The following GOLGA4 variants were observed in gnomAD, a reference collection of about 807,000 sequenced individuals.
GOLGA4 encodes golgin subfamily A member 4.
GOLGA4 carries 169 observed loss-of-function variants against 265.9 expected under a neutral mutation model. The ratio of observed to expected loss-of-function variants is 0.64; its 90% CI spans 0.56 to 0.72. The LOEUF (loss-of-function observed/expected upper bound fraction) is 0.72, where lower values mean the gene tolerates loss of function less well. Among genes scored for constraint, GOLGA4 ranks in the 30% least tolerant of loss-of-function variants. The pLI is 0.00. For synonymous variants in GOLGA4, 923 were observed against 855.8 expected (o/e 1.08, Z -1.37); for missense variants, 2,482 against 2,483.4 (o/e 1.00, Z 0.01).
At chr3:37,316,948 G>A (rs1423789538) in intron 11 of GOLGA4, among the ~76,000 whole-genome samples, 2 of 151,736 alleles carry the variant, frequency 1.3e-5, no homozygotes, top group South Asian at 2.1e-4. Flanking sequence ...ACAAAAGACA[G>A]CATGTTATAT....
In GOLGA4 at chr3:37,327,593, AAC is replaced by A; in HGVS notation, c.5710_5711del (p.Thr1904Ter). The stretch of plus-strand genomic sequence containing the variant: ...TAAACCCACAGAACTTTTGGAAGAA[AAC>A]ACTGAAGAAAAGTCCAAATCACATT... The part of the protein sequence containing the change: ...RNKPTELLEE[N>X]TEEKSKSHLV... On this transcript the variant is annotated frameshift_variant, in exon 14 of 24. Coordinates refer to ENST00000361924, the MANE Select transcript of GOLGA4 (RefSeq NM_002078.5). LOFTEE classifies it high-confidence loss of function. The A allele has an allele frequency of 1.2e-6, 2 of 1,613,780 alleles. No individual in the cohort carries two copies. The highest frequency in any genetic ancestry group is 1.7e-6 in the Non-Finnish European group (2 of 1,179,818).
chr3:37,279,513 A>G (rs933302735), intron 2 of GOLGA4, among the ~76,000 whole-genome samples: 7 of 152,208 alleles, frequency 4.6e-5, no homozygotes, highest in Non-Finnish European at 8.8e-5. Context: ...CAGGTTCCCC[A>G]TGATGCTCCA....
chr3:37,302,684 A>G (rs1327241637), intron 10 of GOLGA4: 1 of 199,574 alleles, frequency 5.0e-6, no homozygotes. Flanking sequence ...GAGTATCAAA[A>G]TTCAGATTTA....
intron 1 of GOLGA4, chr3:37,244,102 C>G (rs2096711548): frequency 6.5e-6 from 1 of 154,308 alleles, no homozygotes; most frequent in African/African-American, 2.4e-5. Flanking sequence ...TGACCCTCGA[C>G]GGAAGTCTCC....
chr3:37,258,686 T>C (rs1367501724), intron 2 of GOLGA4, among the ~76,000 whole-genome samples: 2 of 152,198 alleles, frequency 1.3e-5, no homozygotes, highest in African/African-American at 2.4e-5. Context: ...TCAAGGCTTA[T>C]ATGGCTTAAA....
At position 37,315,554 on chromosome 3, in the gene GOLGA4, C is replaced by T. The variant is rs2096935359; in HGVS notation, c.1369C>T (p.Gln457Ter). The part of the protein sequence containing the change: ...TSEEERISLQ[Q>*]ELSRVKQEVV... ...TGAGGAGGAACGCATCAGTCTTCAA[C>T]AGGAATTAAGTCGGGTGAAACAGGA... is the stretch of plus-strand genomic sequence containing the variant. Residue 457 changes from glutamine to a stop codon, truncating the protein, a stop_gained, in exon 11 of 24, where the codon CAG becomes TAG. Transcript: ENST00000361924. LOFTEE classifies it high-confidence loss of function. The T allele has an allele frequency of 6.2e-7, 1 of 1,613,844 alleles. No homozygotes were observed. Among genetic ancestry groups the T allele is most frequent in the Non-Finnish European group, 8.5e-7 (1 of 1,179,832 alleles).
intron 19 of GOLGA4, 103 bp from the exon 20 acceptor site, chr3:37,340,021 C>A: frequency 1.9e-6 from 1 of 530,722 alleles, no homozygotes; most frequent in Non-Finnish European, 3.4e-6. Context: ...TGCCTATATT[C>A]TGTCTTCAGC....
chr3:37,317,972 A>AT (rs537527745), intron 11 of GOLGA4, among the ~76,000 whole-genome samples: 96 of 140,924 alleles, frequency 6.8e-4, no homozygotes, highest in African/African-American at 1.6e-3. Context: ...TGCTATGTGG[A>AT]TTTTTTTTTT....
chr3:37,318,219 C>CT (rs763053779), intron 11 of GOLGA4, among the ~76,000 whole-genome samples: 35 of 151,820 alleles, frequency 2.3e-4, no homozygotes, highest in African/African-American at 6.8e-4. Flanking sequence ...GCCATATTAT[C>CT]TTTTTTTTGT....
chr3:37,333,620 A>G (rs80063390), intron 16 of GOLGA4, among the ~76,000 whole-genome samples: 1,945 of 152,314 alleles, frequency 0.013, 23 homozygotes, highest in African/African-American at 0.036. Context: ...GCTAAACCAC[A>G]TTGACACAGC....
intron 12 of GOLGA4, among the ~76,000 whole-genome samples, chr3:37,320,621 C>T (rs1018390174): frequency 6.6e-6 from 1 of 152,126 alleles, no homozygotes; most frequent in Non-Finnish European, 1.5e-5. Context: ...AATTCTTAAA[C>T]TGTAACAGTA....
At position 37,323,881 on chromosome 3, in the gene GOLGA4, G is replaced by T. The variant is rs777494129; in HGVS notation, c.1995G>T (p.Gln665His). ...TGAAAGACAAAGAGATTATCTTCCA[G>T]GCCCACATAGAAGAAATGAATGAAA... ...TLLKDKEIIF[Q>H]AHIEEMNEKT... Residue 665 changes from glutamine (Q) to histidine (H), a missense_variant, in exon 14 of 24, where the codon CAG becomes CAT. Gln to His is a conservative substitution (Grantham distance 24). This residue lies in a region of GOLGA4 where 1,536 missense variants were observed against 1,483.7 expected (regional missense o/e 1.04). Coordinates refer to ENST00000361924, the MANE Select transcript of GOLGA4 (RefSeq NM_002078.5). 7 of 1,613,258 alleles carry T rather than the reference G, an allele frequency of 4.3e-6. No individual in the cohort carries two copies. In the South Asian group the frequency reaches 7.7e-5, roughly 18 times the overall value.
chr3:37,243,382 C>A lies in GOLGA4; in HGVS notation c.-169C>A. On this transcript the variant is annotated 5_prime_UTR_variant, in exon 1 of 24. Coordinates refer to ENST00000361924, the MANE Select transcript of GOLGA4 (RefSeq NM_002078.5). ...AGACGCGGCGGCGGCGACGCCGACA[C>A]CCTCAGGACGAGTGTCCGGACTTGC... 1 of 626,452 alleles carries A rather than the reference C, an allele frequency of 1.6e-6. No homozygotes were observed. The highest frequency in any genetic ancestry group is 2.9e-6 in the Non-Finnish European group (1 of 347,050). 38.8% of individuals were successfully genotyped at this position (626,452 alleles called of 1,614,324 possible). A position where few individuals can be genotyped will look rare whatever the true frequency, so the allele number is the denominator to read the frequency against.
intron 2 of GOLGA4, among the ~76,000 whole-genome samples, chr3:37,271,667 C>G (rs1448829696): frequency 6.8e-6 from 1 of 147,638 alleles, no homozygotes; most frequent in Non-Finnish European, 1.5e-5. Context: ...CCACTCCCAC[C>G]CCATTGGATA....
At chr3:37,360,843 G>A (rs181949093) in intron 22 of GOLGA4, among the ~76,000 whole-genome samples, 14 of 152,160 alleles carry the variant, frequency 9.2e-5, no homozygotes, top group South Asian at 2.1e-4. Context: ...TCATTTTCCC[G>A]AAAACTTTTT....
chr3:37,255,360 A>G (rs1191344013), intron 2 of GOLGA4, among the ~76,000 whole-genome samples: 1 of 151,906 alleles, frequency 6.6e-6, no homozygotes, highest in Admixed American at 6.6e-5. Flanking sequence ...ACAGAGTTTC[A>G]CCATGTTGGC....
chr3:37,365,616 C>T (rs923943715), intron 23 of GOLGA4, among the ~76,000 whole-genome samples: 2 of 152,092 alleles, frequency 1.3e-5, no homozygotes, highest in African/African-American at 2.4e-5. Flanking sequence ...GCCAAGTCAG[C>T]GTGTTTACTC....
At chr3:37,359,211 G>A (rs1355273947) in intron 22 of GOLGA4, among the ~76,000 whole-genome samples, 1 of 152,144 alleles carries the variant, frequency 6.6e-6, no homozygotes, top group Non-Finnish European at 1.5e-5. Flanking sequence ...GGATATTCGA[G>A]TAGCACAATA....
rs372286867 is a variant in GOLGA4 at position 37,325,280 on chromosome 3, C to G, written c.3394C>G (p.Leu1132Val). 4.6e-5 allele frequency: 74 copies of G among 1,613,262 alleles called. No homozygotes were observed. The highest frequency in any genetic ancestry group is 5.6e-5 in the Non-Finnish European group (66 of 1,179,626). ...VNSLAQDETK[L>V]KAHLEKLEVD... Reference sequence around the variant, plus strand: ...TTCTCTTGCACAAGATGAAACTAAACTGAAAGCTCATCTTGAAAAGCTAGA... The same window carrying G: ...TTCTCTTGCACAAGATGAAACTAAAGTGAAAGCTCATCTTGAAAAGCTAGA... The change falls in exon 14 of 24, where the codon CTG becomes GTG. Residue 1132 changes from leucine (L) to valine (V), a missense_variant. By Grantham distance (32) the Leu-to-Val change is conservative. This residue lies in a region of GOLGA4 where 1,536 missense variants were observed against 1,483.7 expected (regional missense o/e 1.04). Transcript: ENST00000361924.
Sources: gnomAD v4.1 joint callset for allele counts (sites outside exome capture counted in the v4.1 genomes callset) on GRCh38, gnomAD v4.1.1 for gene constraint, gnomAD v4.1.1 regional missense constraint, MANE v1.5 for transcripts, NCBI Gene and HGNC (gene_info 2026-07-23, HGNC 2026-07-21) for gene names.